The following PCLO variants were observed in gnomAD, a reference collection of about 807,000 sequenced individuals.
PCLO encodes the protein protein piccolo.
Under a neutral mutation model 427.5 loss-of-function variants are expected in PCLO, and 82 were observed. That is an observed-to-expected ratio of 0.19 (90% CI 0.16 to 0.23). PCLO has a LOEUF of 0.23. Ranked by LOEUF, PCLO falls within the 10% of genes least tolerant of loss-of-function variation. PCLO has a pLI of 1.00. For synonymous variants in PCLO, 2,357 were observed against 2,155.4 expected (o/e 1.09, Z -2.59); for missense variants, 6,239 against 6,115.9 (o/e 1.02, Z -0.67).
chr7:82,860,084 C>T (rs1012466303), intron 10 of PCLO, among the ~76,000 whole-genome samples: 2 of 151,588 alleles, frequency 1.3e-5, no homozygotes, highest in African/African-American at 4.8e-5. Context: ...CTAGGAAACG[C>T]CTCAAAAGGG....
intron 16 of PCLO, among the ~76,000 whole-genome samples, chr7:82,830,858 T>C (rs1792076623): frequency 6.6e-6 from 1 of 152,000 alleles, no homozygotes. Context: ...AATCCATACA[T>C]GTGAATAATT....
chr7:83,159,241 T>C (rs1415812972), intron 1 of PCLO, among the ~76,000 whole-genome samples: 1 of 152,082 alleles, frequency 6.6e-6, no homozygotes. Flanking sequence ...GAGATATAAA[T>C]GGATAAATTT....
At chr7:82,900,931 A>T (rs561932174) in intron 9 of PCLO, among the ~76,000 whole-genome samples, 63 of 151,980 alleles carry the variant, frequency 4.1e-4, no homozygotes, top group African/African-American at 1.4e-3. Flanking sequence ...TTTGGCTTAT[A>T]AAAGAACACA....
chr7:82,951,032 T>A lies in PCLO; in HGVS notation c.9556A>T (p.Thr3186Ser), dbSNP rs369211962. The change falls in exon 6 of 25, where the codon ACA becomes TCA. Residue 3186 changes from threonine (T) to serine (S), a missense_variant. Physicochemically the swap from Thr to Ser is moderately conservative, Grantham distance 58. Transcript: ENST00000333891. Reference protein sequence around the residue: ...ETIDSVPTLTTASEVFPEVVG... With the variant: ...ETIDSVPTLTSASEVFPEVVG... ...ACTTCAGGAAACACTTCGGATGCTG[T>A]GGTTAAAGTGGGAACAGAGTCTATC... is the stretch of plus-strand genomic sequence containing the variant. The A allele has an allele frequency of 6.2e-7, 1 of 1,613,708 alleles. No individual in the cohort carries two copies. The highest frequency in any genetic ancestry group is 8.5e-7 in the Non-Finnish European group (1 of 1,179,804).
At chr7:82,853,360 CT>C (rs1177850467) in intron 10 of PCLO, among the ~76,000 whole-genome samples, 4 of 152,024 alleles carry the variant, frequency 2.6e-5, no homozygotes, top group African/African-American at 9.7e-5. Context: ...TAGACACACT[CT>C]GTTTCCCTGA....
At chr7:82,796,854 T>C (rs916326216) in intron 22 of PCLO, among the ~76,000 whole-genome samples, 3 of 149,064 alleles carry the variant, frequency 2.0e-5, no homozygotes, top group African/African-American at 7.5e-5. Flanking sequence ...GTATATGTAC[T>C]GAATTGATCT....
chr7:83,001,040 T>C (rs1304954572), intron 3 of PCLO, among the ~76,000 whole-genome samples: 4 of 152,072 alleles, frequency 2.6e-5, no homozygotes, highest in Non-Finnish European at 1.5e-5. Flanking sequence ...TCTTCCAACA[T>C]TTTTGCTGCT....
intron 10 of PCLO, among the ~76,000 whole-genome samples, chr7:82,857,720 A>G (rs1440357402): frequency 6.6e-6 from 1 of 152,154 alleles, no homozygotes; most frequent in African/African-American, 2.4e-5. Flanking sequence ...TTTCTGAAAA[A>G]GAAAGTTAGA....
chr7:83,086,236 A>T (rs751217597), intron 3 of PCLO, among the ~76,000 whole-genome samples: 2 of 151,826 alleles, frequency 1.3e-5, no homozygotes, highest in Non-Finnish European at 2.9e-5. Context: ...TCAGCCTCTC[A>T]AGTAGCTGGG....
chr7:82,843,038 C>T (rs1230039792), intron 13 of PCLO, among the ~76,000 whole-genome samples: 3 of 152,074 alleles, frequency 2.0e-5, no homozygotes, highest in Non-Finnish European at 2.9e-5. Context: ...TATGATCCAG[C>T]AATCTCACTG....
chr7:83,073,453 T>C (rs942523840), intron 3 of PCLO, among the ~76,000 whole-genome samples: 2 of 151,914 alleles, frequency 1.3e-5, no homozygotes, highest in Admixed American at 6.6e-5. Flanking sequence ...GTAGAGAAGA[T>C]AGAAATGTAA....
chr7:83,074,871 A>C (rs1453705140), intron 3 of PCLO, among the ~76,000 whole-genome samples: 1 of 152,160 alleles, frequency 6.6e-6, no homozygotes, highest in Non-Finnish European at 1.5e-5. Flanking sequence ...TGAAAGAAAA[A>C]TTTCTTTAGG....
intron 3 of PCLO, among the ~76,000 whole-genome samples, chr7:83,032,373 T>TCCCTCACTCCCCTCACTC (rs200376848): frequency 1.3e-4 from 19 of 149,544 alleles, no homozygotes; most frequent in Non-Finnish European, 2.5e-4. Context: ...CATTCTCCAT[T>TCCCTCACTCCCCTCACTC]CCCTCACTCC....
intron 3 of PCLO, chr7:83,017,889 T>G (rs1280177004): frequency 6.6e-6 from 1 of 152,126 alleles, no homozygotes; most frequent in Middle Eastern, 3.4e-3. Context: ...AATAAAAAAC[T>G]CTGTGATTAT....
chr7:83,078,531 T>C (rs1790013190), intron 3 of PCLO, among the ~76,000 whole-genome samples: 1 of 151,604 alleles, frequency 6.6e-6, no homozygotes, highest in African/African-American at 2.4e-5. Flanking sequence ...TTATTATTAT[T>C]ACTATTATTA....
At chr7:83,131,789 C>T (rs893190353) in intron 3 of PCLO, among the ~76,000 whole-genome samples, 1 of 151,784 alleles carries the variant, frequency 6.6e-6, no homozygotes, top group East Asian at 2.0e-4. Context: ...CATAGACACA[C>T]AACAAAGATC....
At chr7:82,844,617 C>A (rs969989067) in intron 13 of PCLO, among the ~76,000 whole-genome samples, 1 of 152,006 alleles carries the variant, frequency 6.6e-6, no homozygotes, top group East Asian at 1.9e-4. Flanking sequence ...TTATCAACTA[C>A]AGGGATAGTT....
intron 3 of PCLO, among the ~76,000 whole-genome samples, chr7:82,989,817 A>T (rs1488008876): frequency 6.7e-6 from 1 of 150,348 alleles, no homozygotes; most frequent in Non-Finnish European, 1.5e-5. Context: ...GAGTGTCATG[A>T]GGAAGAGTTA....
chr7:83,161,828 C>T (rs955712155), intron 1 of PCLO, among the ~76,000 whole-genome samples: 7 of 152,166 alleles, frequency 4.6e-5, no homozygotes, highest in Admixed American at 3.3e-4. Flanking sequence ...ATTCCTTCTA[C>T]CTAAACAGCT....
Sources: allele counts gnomAD v4.1 joint callset (sites outside exome capture counted in the v4.1 genomes callset), GRCh38; gene constraint gnomAD v4.1.1; transcripts MANE v1.5; gene names NCBI Gene and HGNC (gene_info 2026-07-23, HGNC 2026-07-21).